The following TBC1D9B variants were observed in gnomAD, a reference collection of about 807,000 sequenced individuals.
TBC1D9B encodes TBC1 domain family member 9B, also known as TBC1 domain family, member 9B (with GRAM domain).
Under a neutral mutation model 121.1 loss-of-function variants are expected in TBC1D9B, and 87 were observed. The observed-to-expected ratio is 0.72, with a 90% CI of 0.60 to 0.86. The LOEUF is 0.86. Among genes scored for constraint, TBC1D9B ranks in the 40% least tolerant of loss-of-function variants. The pLI is 0.00. For missense variants in TBC1D9B, 1,540 were observed against 1,628.6 expected, an observed-to-expected ratio of 0.95 and a Z score of 0.94; for synonymous variants, 668 against 670.1, an observed-to-expected ratio of 1.00 and a Z score of 0.05.
Position 179,904,634 on chromosome 5 carries a change from C to T in TBC1D9B, c.229+68G>A. On this transcript the variant is annotated intron_variant, in intron 2 of 20. Transcript: ENST00000355235. This position sits in a 1 kb window ranked among gnomAD's most constrained non-coding sequence, Gnocchi z 4.2. ...ACCCAGACACGTGGGCTACACACCC[C>T]TTCCTCTCGGCAACGGCCCTTCCAG... The T allele has an allele frequency of 7.2e-7, 1 of 1,387,176 alleles. No homozygotes were observed. 85.9% of individuals were successfully genotyped at this position (1,387,176 alleles called of 1,614,324 possible).
chr5:179,873,839 T>C (rs752707601), intron 12 of TBC1D9B, among the ~76,000 whole-genome samples: 7 of 152,058 alleles, frequency 4.6e-5, no homozygotes, highest in Non-Finnish European at 1.0e-4. Flanking sequence ...CCCATGCCCA[T>C]AGCCCTGGTC....
In TBC1D9B at chr5:179,862,698, G is replaced by C; in HGVS notation, c.*750C>G. 1 of 431,156 alleles carries C rather than the reference G, an allele frequency of 2.3e-6. No individual in the cohort carries two copies. The highest frequency in any genetic ancestry group is 7.3e-5 in the East Asian group (1 of 13,700). 26.7% of individuals were successfully genotyped at this position (431,156 alleles called of 1,614,324 possible). A position where few individuals can be genotyped will look rare whatever the true frequency, so the allele number is the denominator to read the frequency against. ...CCTGGGGAGAAGTTGGGAGGCCTAA[G>C]CAGTGGTTGGGGGCCACAGCAAGGC... is the stretch of plus-strand genomic sequence containing the variant. On this transcript the variant is annotated 3_prime_UTR_variant, in exon 21 of 21. Transcript: ENST00000355235.
In TBC1D9B at chr5:179,889,030, T is replaced by C. The variant is rs946857472; in HGVS notation, c.1045-718A>G. Among the ~76,000 whole-genome samples, 16 of 148,298 alleles carry C rather than the reference T, an allele frequency of 1.1e-4. 1 individual carries two copies. Among genetic ancestry groups the C allele is most frequent in the African/African-American group, 4.0e-4 (16 of 40,432 alleles). On this transcript the variant is annotated intron_variant, in intron 6 of 20. Coordinates refer to ENST00000355235, the MANE Select transcript of TBC1D9B (RefSeq NM_015043.4). Reference sequence around the variant, plus strand: ...TGAGCTGGGCAGTGGTGGAGGTGAGTGTGCACTTTTTTTTTTTTTGAGACG... The same window carrying C: ...TGAGCTGGGCAGTGGTGGAGGTGAGCGTGCACTTTTTTTTTTTTTGAGACG...
At position 179,863,995 on chromosome 5, in the gene TBC1D9B, G is replaced by A; in HGVS notation, c.3155C>T (p.Ser1052Leu). The A allele has an allele frequency of 6.2e-7, 1 of 1,613,864 alleles. No individual in the cohort carries two copies. Among genetic ancestry groups the A allele is most frequent in the Non-Finnish European group, 8.5e-7 (1 of 1,180,026 alleles). The stretch of plus-strand genomic sequence containing the variant: ...CCTGGGCTTCCTGCCTGTGCGGGCT[G>A]AGAACTTCTTCCCCACCTCTCCGAT... Reference protein sequence around the residue: ...LRIGEVGKKFSARTGRKPRDC... With the variant: ...LRIGEVGKKFLARTGRKPRDC... The change falls in exon 21 of 21, where the codon TCA (serine) becomes TTA (leucine). Residue 1052 changes from serine to leucine, a missense_variant. Coordinates refer to ENST00000355235, the MANE Select transcript of TBC1D9B (RefSeq NM_015043.4). This position sits in a 1 kb window ranked among gnomAD's most constrained non-coding sequence, Gnocchi z 4.5.
At chr5:179,894,739 G>C in intron 3 of TBC1D9B, 125 bp from the exon 4 acceptor site, 1 of 869,476 alleles carries the variant, frequency 1.2e-6, no homozygotes, top group South Asian at 1.7e-5. Context: ...GGCACAGCTG[G>C]GAACAGTCAG....
rs1337731564 is a variant in TBC1D9B at position 179,891,534 on chromosome 5, G to T, written c.889C>A (p.Pro297Thr). 9.3e-6 allele frequency: 15 copies of T among 1,613,964 alleles called. No homozygotes were observed. Among genetic ancestry groups the T allele is most frequent in the Non-Finnish European group, 1.2e-5 (14 of 1,180,024 alleles). The change falls in exon 6 of 21, where the codon CCC becomes ACC. Residue 297 changes from proline to threonine, a missense_variant. Pro to Thr is a conservative substitution (Grantham distance 38). Transcript: ENST00000355235. This position sits in a 1 kb window ranked among gnomAD's most constrained non-coding sequence, Gnocchi z 4.3. Reference sequence around the variant, plus strand: ...TGGCCGTCTAGCCGCTCATCCCTGGGCAGCCGGAACGTGGCTCGGTAGCAC... The same window carrying T: ...TGGCCGTCTAGCCGCTCATCCCTGGTCAGCCGGAACGTGGCTCGGTAGCAC... Reference protein sequence around the residue: ...NECYRATFRLPRDERLDGHTS... With the variant: ...NECYRATFRLTRDERLDGHTS...
rs937743403 is a variant in TBC1D9B at position 179,865,776 on chromosome 5, C to G, written c.2914+62G>C. 6.6e-7 allele frequency: 1 copy of G among 1,522,272 alleles called. No individual in the cohort carries two copies. The highest frequency in any genetic ancestry group is 1.4e-5 in the African/African-American group (1 of 72,120). The allele number at this position is 1,522,272 out of a possible 1,614,324, so 94.3% of individuals were successfully genotyped here. ...CCCTGGCAGTGACTGGGGAAAAGAC[C>G]AGCAAGCAAGGGTGCCTCAACGCTG... On this transcript the variant is annotated intron_variant, in intron 19 of 20. Coordinates refer to ENST00000355235, the MANE Select transcript of TBC1D9B (RefSeq NM_015043.4). This position sits in a 1 kb window ranked among gnomAD's most constrained non-coding sequence, Gnocchi z 5.1.
chr5:179,882,225 A>C (rs1459492318), intron 7 of TBC1D9B, among the ~76,000 whole-genome samples: 3 of 152,198 alleles, frequency 2.0e-5, no homozygotes, highest in Non-Finnish European at 4.4e-5. Flanking sequence ...GATTACAGGC[A>C]TGAGCCATCA....
chr5:179,879,839 T>G lies in TBC1D9B; in HGVS notation c.1255-50A>C, dbSNP rs374982370. 2.5e-4 allele frequency: 387 copies of G among 1,533,534 alleles called. 1 individual carries two copies. In the African/African-American group the frequency reaches 4.8e-3, roughly 19 times the overall value. 95.0% of individuals were successfully genotyped at this position (1,533,534 alleles called of 1,614,324 possible). A position where few individuals can be genotyped will look rare whatever the true frequency, so the allele number is the denominator to read the frequency against. On this transcript the variant is annotated intron_variant, in intron 7 of 20. Coordinates refer to ENST00000355235, the MANE Select transcript of TBC1D9B (RefSeq NM_015043.4). Reference sequence around the variant, plus strand: ...ACGCCCTAACAACTGTGCTGCCAGGTGGCCTCTGATGCGCCCATCCATCCA... The same window carrying G: ...ACGCCCTAACAACTGTGCTGCCAGGGGGCCTCTGATGCGCCCATCCATCCA...
At chr5:179,880,917 A>C (rs551155949) in intron 7 of TBC1D9B, among the ~76,000 whole-genome samples, 27 of 152,090 alleles carry the variant, frequency 1.8e-4, no homozygotes, top group African/African-American at 5.3e-4. Context: ...CCTGCTTCCC[A>C]CCTGAGCTCC....
At position 179,904,906 on chromosome 5, in the gene TBC1D9B, C is replaced by T. The variant is rs758405275; in HGVS notation, c.119-94G>A. ...TGGCCGGAGGCAGACAGGATGGTGA[C>T]GCTACCCAAAGGGTCCAGCCCAACG... On this transcript the variant is annotated intron_variant, in intron 1 of 20. Transcript: ENST00000355235. The surrounding 1 kb of genome is among the most constrained non-coding windows in gnomAD (Gnocchi z 4.2). The T allele has an allele frequency of 4.9e-5, 49 of 991,472 alleles. No individual in the cohort carries two copies. Among genetic ancestry groups the T allele is most frequent in the South Asian group, 3.0e-4 (19 of 63,706 alleles). 61.4% of individuals were successfully genotyped at this position (991,472 alleles called of 1,614,324 possible).
intron 10 of TBC1D9B, among the ~76,000 whole-genome samples, chr5:179,876,900 A>G (rs860706): frequency 0.51 from 76,370 of 151,050 alleles, 20,196 homozygotes; most frequent in East Asian, 0.77. Context: ...GTGAGACCCC[A>G]TCTCTATAAA....
At chr5:179,894,664 G>C (rs1397283878) in intron 3 of TBC1D9B, 50 bp from the exon 4 acceptor site, 1 of 1,595,504 alleles carries the variant, frequency 6.3e-7, no homozygotes, top group East Asian at 2.2e-5. Flanking sequence ...TCCCGGACAG[G>C]TCAAAGGGTG....
Position 179,862,536 on chromosome 5 carries a change from G to A in TBC1D9B, c.*912C>T, listed in dbSNP as rs754091626. The A allele has an allele frequency of 5.0e-5, 23 of 456,174 alleles. No individual in the cohort carries two copies. In the Admixed American group the frequency reaches 5.4e-4, roughly 11 times the overall value. 28.3% of individuals were successfully genotyped at this position (456,174 alleles called of 1,614,324 possible). A position where few individuals can be genotyped will look rare whatever the true frequency, so the allele number is the denominator to read the frequency against. On this transcript the variant is annotated 3_prime_UTR_variant, in exon 21 of 21. Transcript: ENST00000355235. ...GGAGCTCAGGGCATCCCCTGATGCAGGTTGGTCAGGACCTGCCCAGCTTGC... is the reference window on the plus strand; with the variant it reads ...GGAGCTCAGGGCATCCCCTGATGCAAGTTGGTCAGGACCTGCCCAGCTTGC...
intron 5 of TBC1D9B, 82 bp downstream of exon 5, chr5:179,893,127 C>T (rs927396972): frequency 1.1e-5 from 17 of 1,510,380 alleles, no homozygotes; most frequent in Non-Finnish European, 1.5e-5. Flanking sequence ...TCCAGGTCTA[C>T]ACACTTGGAC....
At chr5:179,867,703 C>T in intron 18 of TBC1D9B, 75 bp downstream of exon 18, 1 of 1,597,104 alleles carries the variant, frequency 6.3e-7, no homozygotes, top group East Asian at 2.2e-5. Flanking sequence ...CTGGCCACTG[C>T]CCGAGCCCCA....
intron 3 of TBC1D9B, among the ~76,000 whole-genome samples, chr5:179,895,063 G>A (rs192490392): frequency 4.7e-3 from 710 of 152,182 alleles, no homozygotes; most frequent in Non-Finnish European, 7.0e-3. Context: ...GTTTTGCCAT[G>A]TTGCCCAGGC....
At chr5:179,895,739 C>T (rs144673562) in intron 3 of TBC1D9B, among the ~76,000 whole-genome samples, 3 of 152,346 alleles carry the variant, frequency 2.0e-5, no homozygotes, top group Non-Finnish European at 4.4e-5. Flanking sequence ...GGGCCACCCC[C>T]GATCCCTCTG....
At chr5:179,872,705 A>C in intron 14 of TBC1D9B, 187 bp downstream of exon 14, 1 of 602,618 alleles carries the variant, frequency 1.7e-6, no homozygotes, top group East Asian at 2.8e-5. Context: ...GAGAAAAGTG[A>C]CTGGAACCTC....
Sources: gnomAD v4.1 joint callset for allele counts (sites outside exome capture counted in the v4.1 genomes callset) on GRCh38, gnomAD v4.1.1 for gene constraint, Gnocchi (gnomAD v3.1) non-coding constraint, MANE v1.5 for transcripts, NCBI Gene and HGNC (gene_info 2026-07-23, HGNC 2026-07-21) for gene names.